CELF4: variants seen among roughly 807,000 people sequenced by gnomAD.
The protein encoded by CELF4 is CUG-BP- and ETR-3-like factor 4.
A neutral mutation model predicts 59.9 loss-of-function variants in CELF4; 18 were observed. The observed-to-expected ratio is 0.30, with a 90% confidence interval of 0.21 to 0.45. The LOEUF (loss-of-function observed/expected upper bound fraction) is 0.45. Ranked by LOEUF, CELF4 falls within the 20% of genes least tolerant of loss-of-function variation. The pLI, the probability that CELF4 is intolerant of heterozygous loss-of-function variation, is 1.00. For missense variants in CELF4, 456 were observed against 689.0 expected, an observed-to-expected ratio of 0.66 and a Z score of 3.79; for synonymous variants, 261 against 267.1, an observed-to-expected ratio of 0.98 and a Z score of 0.22.
At chr18:37,329,929 G>T (rs959929050) in intron 2 of CELF4, among the ~76,000 whole-genome samples, 2 of 152,142 alleles carry the variant, frequency 1.3e-5, no homozygotes, top group African/African-American at 4.8e-5. Context: ...CAGACATCAG[G>T]CGTTTTGTGG....
At position 37,254,020 on chromosome 18, in the gene CELF4, G is replaced by C. The variant is rs1248505825; in HGVS notation, c.1334-82C>G. On this transcript the variant is annotated intron_variant, in intron 11 of 12. Coordinates refer to ENST00000420428, the MANE Select transcript of CELF4 (RefSeq NM_020180.4). The surrounding 1 kb of genome is among the most constrained non-coding windows in gnomAD (Gnocchi z 5.1). The stretch of plus-strand genomic sequence containing the variant: ...CCGGCGGGGAGGGGTCGGGGGACAG[G>C]GGGGCGGGGCGGGCCTGAGGCTCTC... The C allele has an allele frequency of 1.8e-5, 19 of 1,071,494 alleles. No individual in the cohort carries two copies. The highest frequency in any genetic ancestry group is 5.1e-5 in the African/African-American group (3 of 59,354). 66.4% of individuals were successfully genotyped at this position (1,071,494 alleles called of 1,614,324 possible).
chr18:37,280,558 C>T (rs141622929), intron 3 of CELF4, among the ~76,000 whole-genome samples: 63 of 152,268 alleles, frequency 4.1e-4, no homozygotes, highest in East Asian at 4.1e-3. Flanking sequence ...CCAGAAGAGG[C>T]TAGAAGTGGG....
chr18:37,302,803 G>A (rs746431433), intron 3 of CELF4, among the ~76,000 whole-genome samples: 2 of 152,180 alleles, frequency 1.3e-5, no homozygotes, highest in African/African-American at 2.4e-5. Context: ...GGTGGTGCGG[G>A]GAGCAGGCAG....
intron 2 of CELF4, among the ~76,000 whole-genome samples, chr18:37,400,908 G>A (rs1172156830): frequency 6.6e-6 from 1 of 152,272 alleles, no homozygotes; most frequent in East Asian, 1.9e-4. Context: ...TCTGGCAAAT[G>A]ACAGGGCTGA....
chr18:37,420,717 A>G (rs1358815440), intron 2 of CELF4, among the ~76,000 whole-genome samples: 1 of 152,168 alleles, frequency 6.6e-6, no homozygotes, highest in Non-Finnish European at 1.5e-5. Flanking sequence ...CTTCACCACA[A>G]AGGTGGAGCC....
intron 2 of CELF4, among the ~76,000 whole-genome samples, chr18:37,474,867 C>T (rs2099844371): frequency 6.6e-6 from 1 of 152,198 alleles, no homozygotes. Flanking sequence ...ACTGCCAGCA[C>T]CAGCACTTCC....
rs561464294 is a variant in CELF4, at chr18:37,243,186, CTTTTTTTTTTT to C, written c.*2045_*2055del. 9.0e-5 allele frequency: 9 copies of C among 100,554 alleles called. No homozygotes were observed. Among genetic ancestry groups the C allele is most frequent in the African/African-American group, 3.3e-4 (8 of 24,126 alleles). The allele number at this position is 100,554 out of a possible 1,614,324, so 6.2% of individuals were successfully genotyped here. A position where few individuals can be genotyped will look rare whatever the true frequency, so the allele number is the denominator to read the frequency against. ...TGTTTTCTTTTTTTTTTCTTTTTTTCTTTTTTTTTTTTTTTTTTTTACATCTGGACATCCTA... is the reference window on the plus strand; with the variant it reads ...TGTTTTCTTTTTTTTTTCTTTTTTTCTTTTTTTTTACATCTGGACATCCTA... On this transcript the variant is annotated 3_prime_UTR_variant, in exon 13 of 13. Coordinates refer to ENST00000420428, the MANE Select transcript of CELF4 (RefSeq NM_020180.4).
At chr18:37,562,018 C>G (rs2099986684) in intron 1 of CELF4, among the ~76,000 whole-genome samples, 1 of 152,102 alleles carries the variant, frequency 6.6e-6, no homozygotes, top group Non-Finnish European at 1.5e-5. Flanking sequence ...TTCTTCCTTT[C>G]TCTCTCTGCC....
intron 1 of CELF4, among the ~76,000 whole-genome samples, chr18:37,522,607 G>A (rs772499168): frequency 2.0e-5 from 3 of 152,126 alleles, no homozygotes; most frequent in South Asian, 2.1e-4. Context: ...TAATAGACAC[G>A]TTGAGAGGAG....
intron 9 of CELF4, among the ~76,000 whole-genome samples, chr18:37,265,507 C>T (rs529560964): frequency 1.3e-5 from 2 of 152,310 alleles, no homozygotes; most frequent in South Asian, 4.1e-4. Context: ...CAAACGGCAC[C>T]TGTGTGGGAG....
chr18:37,267,742 A>G (rs1041331604), intron 8 of CELF4, among the ~76,000 whole-genome samples: 1 of 152,146 alleles, frequency 6.6e-6, no homozygotes, highest in African/African-American at 2.4e-5. Context: ...TCCACTAGAA[A>G]AAGGGCACCT....
chr18:37,265,112 GGT>G (rs879630089), intron 9 of CELF4, among the ~76,000 whole-genome samples: 331 of 149,706 alleles, frequency 2.2e-3, no homozygotes, highest in Non-Finnish European at 4.0e-3. Flanking sequence ...CAAGTGTGTG[GGT>G]GTGTGTGTAC....
chr18:37,249,241 C>A (rs2154260155), intron 12 of CELF4, among the ~76,000 whole-genome samples: 1 of 152,266 alleles, frequency 6.6e-6, no homozygotes, highest in African/African-American at 2.4e-5. Context: ...GGCCAACGGG[C>A]AGCTCCCGTT....
chr18:37,254,125 G>A lies in CELF4; in HGVS notation c.1334-187C>T, dbSNP rs1285657359. The A allele has an allele frequency of 2.0e-5, 5 of 248,814 alleles. No homozygotes were observed. The Admixed American group carries it at 2.3e-4, about 11-fold the overall frequency. 15.4% of individuals were successfully genotyped at this position (248,814 alleles called of 1,614,324 possible). ...GCGCGCGTGCTAGGCCCCTCCGGGGGCAGGCGCTGGCGGGGACCCGGCTCG... is the reference window on the plus strand; with the variant it reads ...GCGCGCGTGCTAGGCCCCTCCGGGGACAGGCGCTGGCGGGGACCCGGCTCG... On this transcript the variant is annotated intron_variant, in intron 11 of 12. Transcript: ENST00000420428. The surrounding 1 kb of genome is among the most constrained non-coding windows in gnomAD (Gnocchi z 5.1).
intron 6 of CELF4, chr18:37,274,059 CCT>C: frequency 7.5e-7 from 1 of 1,329,382 alleles, no homozygotes; most frequent in Non-Finnish European, 9.6e-7. Flanking sequence ...TTCTGTGGGG[CCT>C]CTCTCAGCTC....
intron 2 of CELF4, among the ~76,000 whole-genome samples, chr18:37,454,880 G>A (rs1163508425): frequency 6.6e-6 from 1 of 152,192 alleles, no homozygotes; most frequent in African/African-American, 2.4e-5. Flanking sequence ...AATGAGGAGA[G>A]CAGCCATCAG....
At chr18:37,260,135 A>T (rs2154301226) in intron 10 of CELF4, among the ~76,000 whole-genome samples, 1 of 152,288 alleles carries the variant, frequency 6.6e-6, no homozygotes, top group South Asian at 2.1e-4. Context: ...CACCTGCCAA[A>T]ACACGCACAG....
chr18:37,333,738 AT>A (rs1569565697), intron 2 of CELF4, among the ~76,000 whole-genome samples: 1 of 148,088 alleles, frequency 6.8e-6, no homozygotes, highest in Non-Finnish European at 1.5e-5. Context: ...CCATCCATCC[AT>A]CCATCCATCC....
At chr18:37,295,177 T>C (rs2095567858) in intron 3 of CELF4, among the ~76,000 whole-genome samples, 1 of 152,226 alleles carries the variant, frequency 6.6e-6, no homozygotes, top group South Asian at 2.1e-4. Context: ...TCCTGGATGC[T>C]GGCTTGGCTT....
Sources: gnomAD v4.1 joint callset for allele counts (sites outside exome capture counted in the v4.1 genomes callset) on GRCh38, gnomAD v4.1.1 for gene constraint, Gnocchi (gnomAD v3.1) non-coding constraint, MANE v1.5 for transcripts, NCBI Gene and HGNC (gene_info 2026-07-23, HGNC 2026-07-21) for gene names.